Variants in FOXO3 observed in about 807,000 individuals in gnomAD.
FOXO3 encodes forkhead box protein O3.
Under a neutral mutation model 41.9 loss-of-function variants are expected in FOXO3, and 4 were observed. The observed-to-expected ratio is 0.10, with a 90% CI of 0.05 to 0.22. FOXO3 has a LOEUF of 0.22. FOXO3 is among the 10% of genes least tolerant of loss of function. FOXO3 has a pLI of 1.00. For missense variants in FOXO3, 534 were observed against 906.8 expected, an observed-to-expected ratio of 0.59 and a Z score of 5.28; for synonymous variants, 318 against 389.3, an observed-to-expected ratio of 0.82 and a Z score of 2.16.
intron 1 of FOXO3, among the ~76,000 whole-genome samples, chr6:108,634,409 C>T (rs920225905): frequency 5.3e-5 from 8 of 152,074 alleles, no homozygotes; most frequent in African/African-American, 1.9e-4. Flanking sequence ...GATGATGACC[C>T]CCTTCCCTGC....
intron 1 of FOXO3, among the ~76,000 whole-genome samples, chr6:108,623,482 A>G (rs1261676052): frequency 6.6e-6 from 1 of 152,186 alleles, no homozygotes; most frequent in Admixed American, 6.5e-5. Context: ...AACAGACACT[A>G]GCTCAGCCCC....
intron 1 of FOXO3, among the ~76,000 whole-genome samples, chr6:108,581,882 G>T (rs1162187278): frequency 6.6e-6 from 1 of 152,062 alleles, no homozygotes; most frequent in Non-Finnish European, 1.5e-5. Flanking sequence ...ATGATCTGTG[G>T]CTCGCTGCCA....
At chr6:108,612,456 G>C (rs1184000355) in intron 1 of FOXO3, among the ~76,000 whole-genome samples, 1 of 152,054 alleles carries the variant, frequency 6.6e-6, no homozygotes, top group Non-Finnish European at 1.5e-5. Context: ...GAGGTGGGCA[G>C]ATCACCTGAG....
At chr6:108,596,087 G>A (rs1246083078) in intron 1 of FOXO3, among the ~76,000 whole-genome samples, 8 of 151,958 alleles carry the variant, frequency 5.3e-5, no homozygotes, top group Admixed American at 5.2e-4. Flanking sequence ...TGCCCCCAAA[G>A]CTTATAACCT....
intron 1 of FOXO3, among the ~76,000 whole-genome samples, chr6:108,630,283 A>G (rs1035714166): frequency 3.9e-5 from 6 of 152,162 alleles, no homozygotes; most frequent in Admixed American, 3.9e-4. Flanking sequence ...GCCGGAAGAG[A>G]GAGAAGGGAA....
At chr6:108,613,709 C>T (rs893522760) in intron 1 of FOXO3, among the ~76,000 whole-genome samples, 1 of 151,992 alleles carries the variant, frequency 6.6e-6, no homozygotes, top group African/African-American at 2.4e-5. Context: ...TCCCCCGTTA[C>T]TTTTATGTTT....
At chr6:108,580,670 C>G (rs1776392453) in intron 1 of FOXO3, among the ~76,000 whole-genome samples, 2 of 152,184 alleles carry the variant, frequency 1.3e-5, no homozygotes, top group Admixed American at 1.3e-4. Context: ...AATACTGAGA[C>G]CTCACTGGCT....
intron 1 of FOXO3, among the ~76,000 whole-genome samples, chr6:108,606,793 C>G (rs1777215122): frequency 6.6e-6 from 1 of 152,042 alleles, no homozygotes; most frequent in Non-Finnish European, 1.5e-5. Context: ...TTTTTAAAGC[C>G]TTATGTATTC....
intron 1 of FOXO3, among the ~76,000 whole-genome samples, chr6:108,602,245 GTCAC>G (rs1182101901): frequency 2.0e-5 from 3 of 152,062 alleles, no homozygotes; most frequent in Non-Finnish European, 4.4e-5. Context: ...GCTTTTTCTA[GTCAC>G]TCTTTTTTTT....
chr6:108,585,214 TG>T, intron 1 of FOXO3, among the ~76,000 whole-genome samples: 1 of 151,702 alleles, frequency 6.6e-6, no homozygotes, highest in Non-Finnish European at 1.5e-5. Flanking sequence ...GCTAATTTTT[TG>T]TATTTTTTTA....
At chr6:108,574,026 G>A (rs1776189996) in intron 1 of FOXO3, among the ~76,000 whole-genome samples, 1 of 151,988 alleles carries the variant, frequency 6.6e-6, no homozygotes, top group Non-Finnish European at 1.5e-5. Flanking sequence ...GGTGGCACAT[G>A]CCTGTAATCC....
At chr6:108,580,182 C>CTT (rs1776368788) in intron 1 of FOXO3, among the ~76,000 whole-genome samples, 1 of 79,262 alleles carries the variant, frequency 1.3e-5, no homozygotes, top group African/African-American at 4.4e-5. Context: ...AGCTCTTCTT[C>CTT]ATTTTTTTTT....
chr6:108,594,277 C>T (rs1175154128), intron 1 of FOXO3, among the ~76,000 whole-genome samples: 1 of 152,080 alleles, frequency 6.6e-6, no homozygotes, highest in Non-Finnish European at 1.5e-5. Context: ...GGGTTAATAA[C>T]TTTAGAGAAA....
At chr6:108,669,593 A>T (rs1044973302) in intron 2 of FOXO3, among the ~76,000 whole-genome samples, 3 of 152,140 alleles carry the variant, frequency 2.0e-5, no homozygotes, top group Admixed American at 6.5e-5. Flanking sequence ...CTTACCTTTT[A>T]AAAAAAGCCG....
At chr6:108,612,179 G>GAAATTTATCCCCAAGAT (rs1777382957) in intron 1 of FOXO3, among the ~76,000 whole-genome samples, 1 of 152,106 alleles carries the variant, frequency 6.6e-6, no homozygotes, top group South Asian at 2.1e-4. Flanking sequence ...TACTGTTTGT[G>GAAATTTATCCCCAAGAT]AAATTTATCC....
chr6:108,596,709 A>G (rs143895107), intron 1 of FOXO3, among the ~76,000 whole-genome samples: 2 of 152,328 alleles, frequency 1.3e-5, no homozygotes, highest in Admixed American at 6.5e-5. Flanking sequence ...ACTGTGTTTA[A>G]AAAGTGATCT....
At chr6:108,619,213 G>A (rs1025249568) in intron 1 of FOXO3, among the ~76,000 whole-genome samples, 2 of 152,186 alleles carry the variant, frequency 1.3e-5, no homozygotes, top group African/African-American at 4.8e-5. Flanking sequence ...AGAAATCAGT[G>A]TAACCGTGGG....
rs1775764240 is a variant in FOXO3, at chr6:108,560,963, C to T, written c.-246C>T. The T allele has an allele frequency of 1.9e-5, 25 of 1,332,186 alleles. No homozygotes were observed. In the South Asian group the frequency reaches 4.3e-4, roughly 23 times the overall value. 82.5% of individuals were successfully genotyped at this position (1,332,186 alleles called of 1,614,324 possible). ...GCTGGCCGCACGTCTTCAGGTCCTCCTGTTCCTGGGAGGCGGGCGCGGCAG... is the reference window on the plus strand; with the variant it reads ...GCTGGCCGCACGTCTTCAGGTCCTCTTGTTCCTGGGAGGCGGGCGCGGCAG... On this transcript the variant is annotated 5_prime_UTR_variant, in exon 1 of 3. Coordinates refer to ENST00000406360, the MANE Select transcript of FOXO3 (RefSeq NM_001455.4).
intron 1 of FOXO3, among the ~76,000 whole-genome samples, chr6:108,653,308 A>T (rs551383649): frequency 6.6e-6 from 1 of 152,210 alleles, no homozygotes; most frequent in African/African-American, 2.4e-5. Context: ...ACTATGTACC[A>T]GGCCCTCTGC....
Sources: allele counts gnomAD v4.1 joint callset (sites outside exome capture counted in the v4.1 genomes callset), GRCh38; gene constraint gnomAD v4.1.1; transcripts MANE v1.5; gene names NCBI Gene and HGNC (gene_info 2026-07-23, HGNC 2026-07-21).